CHD6: variants seen among roughly 807,000 people sequenced by gnomAD.
CHD6 encodes chromodomain helicase DNA binding protein 6.
Under a neutral mutation model 276.9 loss-of-function variants are expected in CHD6, and 50 were observed. The observed-to-expected ratio is 0.18, with a 90% confidence interval of 0.14 to 0.23. CHD6 has a LOEUF of 0.23. CHD6 is among the 10% of genes least tolerant of loss of function. The pLI is 1.00. For synonymous variants in CHD6, 1,173 were observed against 1,229.3 expected (o/e 0.95, Z 0.96); for missense variants, 2,564 against 3,365.8 (o/e 0.76, Z 5.89).
At position 41,404,958 on chromosome 20, in the gene CHD6, C is replaced by A. The variant is rs757042669; in HGVS notation, c.7783G>T (p.Asp2595Tyr). The A allele has an allele frequency of 1.2e-6, 2 of 1,614,090 alleles. No homozygotes were observed. The highest frequency in any genetic ancestry group is 8.5e-7 in the Non-Finnish European group (1 of 1,180,054). ...EDKPGPGPFS[D>Y]QSEPAITTSS... Reference sequence around the variant, plus strand: ...GTAGTTATTGCAGGTTCAGACTGATCAGAAAATGGACCTGGACCAGGCTTG... The same window carrying A: ...GTAGTTATTGCAGGTTCAGACTGATAAGAAAATGGACCTGGACCAGGCTTG... Residue 2595 changes from aspartate (D) to tyrosine (Y), a missense_variant, in exon 37 of 37, where the codon GAT (aspartate) becomes TAT (tyrosine). Coordinates refer to ENST00000373233, the MANE Select transcript of CHD6 (RefSeq NM_032221.5).
intron 16 of CHD6, among the ~76,000 whole-genome samples, chr20:41,476,969 G>C (rs2043181724): frequency 6.6e-6 from 1 of 152,120 alleles, no homozygotes; most frequent in Admixed American, 6.5e-5. Context: ...AGGTATGGTG[G>C]CTCACTCTTG....
At chr20:41,494,813 T>G (rs1361211112) in intron 8 of CHD6, among the ~76,000 whole-genome samples, 1 of 152,180 alleles carries the variant, frequency 6.6e-6, no homozygotes, top group Non-Finnish European at 1.5e-5. Context: ...CAGATTCAAT[T>G]ATTCCCAACT....
intron 30 of CHD6, 70 bp from the exon 31 acceptor site, chr20:41,422,149 T>C: frequency 6.7e-7 from 1 of 1,489,696 alleles, no homozygotes; most frequent in Non-Finnish European, 9.0e-7. Context: ...CCTGAGCCCC[T>C]GCATCTTTGG....
chr20:41,576,656 A>G (rs966974558), intron 1 of CHD6, among the ~76,000 whole-genome samples: 1 of 152,224 alleles, frequency 6.6e-6, no homozygotes, highest in Admixed American at 6.5e-5. Context: ...CCTGGGCGAC[A>G]GAGCAAGACT....
chr20:41,613,383 C>T (rs1029908600), intron 1 of CHD6, among the ~76,000 whole-genome samples: 5 of 152,378 alleles, frequency 3.3e-5, no homozygotes. Flanking sequence ...CTAGTCCCAT[C>T]TGCAGAGGCA....
At chr20:41,477,817 T>C (rs980253125) in intron 16 of CHD6, among the ~76,000 whole-genome samples, 1 of 152,164 alleles carries the variant, frequency 6.6e-6, no homozygotes, top group Admixed American at 6.5e-5. Flanking sequence ...ACGCAGAGTC[T>C]AAAAACAGGG....
chr20:41,476,251 G>C (rs1052506324), intron 16 of CHD6, among the ~76,000 whole-genome samples: 1 of 152,092 alleles, frequency 6.6e-6, no homozygotes, highest in Non-Finnish European at 1.5e-5. Context: ...TGTGACAACT[G>C]TATTTTTAAC....
At chr20:41,445,418 T>C (rs543463198) in intron 25 of CHD6, among the ~76,000 whole-genome samples, 15 of 152,294 alleles carry the variant, frequency 9.8e-5, no homozygotes, top group Admixed American at 7.9e-4. Flanking sequence ...GAGGAAGATA[T>C]ACACCAAACA....
At chr20:41,529,389 G>A (rs1180721125) in intron 3 of CHD6, among the ~76,000 whole-genome samples, 1 of 152,004 alleles carries the variant, frequency 6.6e-6, no homozygotes, top group Admixed American at 6.5e-5. Context: ...TACAAGACTG[G>A]GAATCAGGCC....
chr20:41,412,029 G>C (rs1366556101), intron 36 of CHD6, 115 bp downstream of exon 36: 1 of 1,455,928 alleles, frequency 6.9e-7, no homozygotes, highest in Non-Finnish European at 9.3e-7. Context: ...TAGTCCTCTT[G>C]AAAGATGTCT....
chr20:41,424,573 T>C (rs6065350), intron 29 of CHD6, among the ~76,000 whole-genome samples: 1 of 152,234 alleles, frequency 6.6e-6, no homozygotes, highest in Non-Finnish European at 1.5e-5. Context: ...AAATTTGTTA[T>C]GCAGTCTTCT....
chr20:41,602,422 T>C (rs1194172766), intron 1 of CHD6, among the ~76,000 whole-genome samples: 2 of 152,192 alleles, frequency 1.3e-5, no homozygotes, highest in Non-Finnish European at 2.9e-5. Flanking sequence ...CCTGTGGGCT[T>C]ACCCCAGCCT....
At chr20:41,569,631 C>T (rs77469379) in intron 1 of CHD6, among the ~76,000 whole-genome samples, 5,746 of 152,168 alleles carry the variant, frequency 0.038, 122 homozygotes, top group Middle Eastern at 0.071. Context: ...TAACTTCTTA[C>T]CATGTATCAC....
intron 1 of CHD6, among the ~76,000 whole-genome samples, chr20:41,566,511 C>G (rs1340764234): frequency 2.0e-5 from 3 of 152,206 alleles, no homozygotes; most frequent in African/African-American, 7.2e-5. Context: ...CCCTTCCCCA[C>G]TCTGCTCCTG....
intron 19 of CHD6, 38 bp from the exon 20 acceptor site, chr20:41,454,774 C>T (rs756565062): frequency 2.8e-6 from 4 of 1,441,534 alleles, no homozygotes; most frequent in Non-Finnish European, 3.9e-6. Flanking sequence ...TGTGCTTGAA[C>T]ACAATACAAA....
intron 3 of CHD6, among the ~76,000 whole-genome samples, chr20:41,517,637 C>CT (rs1457388216): frequency 6.6e-6 from 1 of 152,180 alleles, no homozygotes; most frequent in African/African-American, 2.4e-5. Context: ...TCACATGAGT[C>CT]TTTATCTCAT....
chr20:41,425,131 T>C (rs1451549387), intron 29 of CHD6, 47 bp downstream of exon 29: 2 of 1,510,018 alleles, frequency 1.3e-6, no homozygotes, highest in South Asian at 1.1e-5. Context: ...TTTGAAAACT[T>C]TACCCAGTGG....
chr20:41,559,183 A>T (rs976486794), intron 1 of CHD6, among the ~76,000 whole-genome samples: 13 of 150,028 alleles, frequency 8.7e-5, no homozygotes, highest in African/African-American at 3.2e-4. Context: ...CACACAAAGT[A>T]AACTTTGTCT....
chr20:41,542,296 T>C (rs2044957897), intron 2 of CHD6, among the ~76,000 whole-genome samples: 1 of 152,208 alleles, frequency 6.6e-6, no homozygotes, highest in South Asian at 2.1e-4. Context: ...ACATGTAGTT[T>C]TACAGTAGCT....
Sources: gnomAD v4.1 joint callset for allele counts (sites outside exome capture counted in the v4.1 genomes callset) on GRCh38, gnomAD v4.1.1 for gene constraint, MANE v1.5 for transcripts, NCBI Gene and HGNC (gene_info 2026-07-23, HGNC 2026-07-21) for gene names.